Variants in ACBD7 observed in about 807,000 individuals in gnomAD.
ACBD7 encodes the protein acyl-CoA binding domain containing 7.
ACBD7 carries 11 observed loss-of-function variants against 13.7 expected under a neutral mutation model. The ratio of observed to expected loss-of-function variants is 0.80; its 90% CI spans 0.50 to 1.33. The LOEUF is 1.33. Among genes scored for constraint, ACBD7 ranks in the 40% most tolerant of loss-of-function variants. The pLI is 0.00. For missense variants in ACBD7, 111 were observed against 103.0 expected (o/e 1.08, Z -0.33); for synonymous variants, 43 against 37.7 (o/e 1.14, Z -0.51).
rs1020099476 is a variant in ACBD7, at chr10:15,075,581, A to G, written c.*2949T>C. ...TACAATCAAGACAGAACATTCCATC[A>G]CTGCAGGATCATCCCTCCTGCTGCC... On this transcript the variant is annotated 3_prime_UTR_variant, in exon 4 of 4. Coordinates refer to ENST00000356189, the MANE Select transcript of ACBD7 (RefSeq NM_001039844.3). Among the ~76,000 whole-genome samples the G allele has an allele frequency of 6.6e-6, 1 of 152,196 alleles. No homozygotes were observed. The highest frequency in any genetic ancestry group is 1.5e-5 in the Non-Finnish European group (1 of 68,040).
chr10:15,086,611 C>T (rs1276303164), intron 1 of ACBD7, among the ~76,000 whole-genome samples: 1 of 152,176 alleles, frequency 6.6e-6, no homozygotes, highest in Non-Finnish European at 1.5e-5. Flanking sequence ...CAAGGTGGCT[C>T]ATGCCTGTAA....
In ACBD7 at chr10:15,077,067, C is replaced by T. The variant is rs143609923; in HGVS notation, c.*1463G>A. The stretch of plus-strand genomic sequence containing the variant: ...CTAAAAATAGAACTACCATTCTACC[C>T]AGCAATCCCACTACTGGGTATCTTC... On this transcript the variant is annotated 3_prime_UTR_variant, in exon 4 of 4. Coordinates refer to ENST00000356189, the MANE Select transcript of ACBD7 (RefSeq NM_001039844.3). The T allele has an allele frequency of 4.7e-3, 1,568 of 334,276 alleles. 9 individuals are homozygous for T. The highest frequency in any genetic ancestry group is 0.012 in the Middle Eastern group (8 of 660). 20.7% of individuals were successfully genotyped at this position (334,276 alleles called of 1,614,324 possible).
At chr10:15,083,220 T>G (rs1844770240) in intron 1 of ACBD7, among the ~76,000 whole-genome samples, 1 of 152,212 alleles carries the variant, frequency 6.6e-6, no homozygotes, top group African/African-American at 2.4e-5. Context: ...CTAGCCTGTC[T>G]GGTTCTGGCA....
intron 1 of ACBD7, among the ~76,000 whole-genome samples, chr10:15,082,435 G>A (rs1159258055): frequency 1.3e-5 from 2 of 152,098 alleles, no homozygotes; most frequent in East Asian, 3.8e-4. Context: ...GTATACTAAA[G>A]ATATGTAAAC....
chr10:15,082,132 C>T (rs1844757352), intron 1 of ACBD7, among the ~76,000 whole-genome samples: 1 of 151,864 alleles, frequency 6.6e-6, no homozygotes, highest in Non-Finnish European at 1.5e-5. Flanking sequence ...ACTGAAAATA[C>T]AAAATTAGCT....
intron 1 of ACBD7, among the ~76,000 whole-genome samples, chr10:15,081,871 G>A (rs1844754068): frequency 6.6e-6 from 1 of 152,062 alleles, no homozygotes; most frequent in Admixed American, 6.5e-5. Context: ...GGAACAAGGG[G>A]TGCCTTGTCT....
rs1844707882 is a variant in ACBD7, at chr10:15,078,343, C to A, written c.*187G>T. The A allele has an allele frequency of 3.5e-6, 5 of 1,439,432 alleles. No individual in the cohort carries two copies. In the African/African-American group the frequency reaches 4.3e-5, roughly 12 times the overall value. The allele number at this position is 1,439,432 out of a possible 1,614,324, so 89.2% of individuals were successfully genotyped here. ...TTTTCTTAAAAAGAACTTTTAAAGA[C>A]ACCTGGTTTAAGCAAGTACAATTGA... is the stretch of plus-strand genomic sequence containing the variant. On this transcript the variant is annotated 3_prime_UTR_variant, in exon 4 of 4. Coordinates refer to ENST00000356189, the MANE Select transcript of ACBD7 (RefSeq NM_001039844.3).
At chr10:15,082,283 CAAAAAAAA>C (rs78001272) in intron 1 of ACBD7, among the ~76,000 whole-genome samples, 12 of 65,790 alleles carry the variant, frequency 1.8e-4, no homozygotes, top group African/African-American at 5.7e-4. Flanking sequence ...AAGACTATCT[CAAAAAAAA>C]AAAAAAAAAA....
chr10:15,086,876 G>A (rs1351058187), intron 1 of ACBD7, among the ~76,000 whole-genome samples: 1 of 152,160 alleles, frequency 6.6e-6, no homozygotes, highest in Admixed American at 6.5e-5. Flanking sequence ...AATTGGGTGT[G>A]GTGGCACATG....
In ACBD7 at chr10:15,076,651, C is replaced by T; in HGVS notation, c.*1879G>A. 1 of 608,650 alleles carries T rather than the reference C, an allele frequency of 1.6e-6. No individual in the cohort carries two copies. The highest frequency in any genetic ancestry group is 2.1e-6 in the Non-Finnish European group (1 of 486,366). 37.7% of individuals were successfully genotyped at this position (608,650 alleles called of 1,614,324 possible). A position where few individuals can be genotyped will look rare whatever the true frequency, so the allele number is the denominator to read the frequency against. ...CCAAGTAGCTGGAATTACAGGTGTG[C>T]ACCACCAATGGCTGGCTAATTTTTG... On this transcript the variant is annotated 3_prime_UTR_variant, in exon 4 of 4. Transcript: ENST00000356189.
intron 2 of ACBD7, 65 bp downstream of exon 2, chr10:15,078,853 ATATAT>A (rs1844714205): frequency 7.9e-7 from 1 of 1,263,960 alleles, no homozygotes; most frequent in African/African-American, 1.5e-5. Flanking sequence ...TTAAGTAATT[ATATAT>A]TATAATCGCA....
Position 15,078,522 on chromosome 10 carries a change from G to T in ACBD7, c.*8C>A, listed in dbSNP as rs184073680. On this transcript the variant is annotated 3_prime_UTR_variant, in exon 4 of 4. Coordinates refer to ENST00000356189, the MANE Select transcript of ACBD7 (RefSeq NM_001039844.3). ...CTTCAAAAGGAAAAATTCCTCATAT[G>T]CTGTATTCTAAATTCCGTATTTTTC... The T allele has an allele frequency of 1.1e-5, 18 of 1,613,978 alleles. No homozygotes were observed. The East Asian group carries it at 4.0e-4, about 36-fold the overall frequency.
At position 15,075,976 on chromosome 10, in the gene ACBD7, C is replaced by CAAAAAAAAAAAA. The variant is rs10541297; in HGVS notation, c.*2542_*2553dup. 23 of 313,698 alleles carry CAAAAAAAAAAAA rather than the reference C, an allele frequency of 7.3e-5. No individual in the cohort carries two copies. Among genetic ancestry groups the CAAAAAAAAAAAA allele is most frequent in the East Asian group, 2.1e-4 (1 of 4,736 alleles). 19.4% of individuals were successfully genotyped at this position (313,698 alleles called of 1,614,324 possible). ...GTAACAGAGTGACAGCCTGTCTCAA[C>CAAAAAAAAAAAA]AAAAAAAAAAAAAAAAAAAAAGAAA... On this transcript the variant is annotated 3_prime_UTR_variant, in exon 4 of 4. Transcript: ENST00000356189.
chr10:15,085,556 C>T (rs530666820), intron 1 of ACBD7, among the ~76,000 whole-genome samples: 2 of 152,214 alleles, frequency 1.3e-5, no homozygotes, highest in Non-Finnish European at 2.9e-5. Context: ...TCTTAGGTCA[C>T]ACAAATGTGG....
intron 1 of ACBD7, among the ~76,000 whole-genome samples, chr10:15,085,513 T>A (rs537613214): frequency 6.6e-6 from 1 of 152,348 alleles, no homozygotes; most frequent in Non-Finnish European, 1.5e-5. Flanking sequence ...ATTAAGAAGA[T>A]AAAAAATTCT....
Position 15,076,902 on chromosome 10 carries a change from G to C in ACBD7, c.*1628C>G. 1 of 985,388 alleles carries C rather than the reference G, an allele frequency of 1.0e-6. No homozygotes were observed. Among genetic ancestry groups the C allele is most frequent in the Non-Finnish European group, 1.2e-6 (1 of 829,930 alleles). 61.0% of individuals were successfully genotyped at this position (985,388 alleles called of 1,614,324 possible). ...AAAGAACAAACAGCTGTTCAAATCT[G>C]TACACATATTACCAGGGCTAGACTT... On this transcript the variant is annotated 3_prime_UTR_variant, in exon 4 of 4. Coordinates refer to ENST00000356189, the MANE Select transcript of ACBD7 (RefSeq NM_001039844.3).
intron 1 of ACBD7, among the ~76,000 whole-genome samples, chr10:15,081,419 T>C (rs1455250574): frequency 6.6e-6 from 1 of 152,138 alleles, no homozygotes; most frequent in Non-Finnish European, 1.5e-5. Flanking sequence ...CCTGGACCCA[T>C]CCAGATTAAG....
rs983123901 is a variant in ACBD7 at position 15,078,602 on chromosome 10, C to G, written c.195G>C (p.Gly65=). 6.2e-7 allele frequency: 1 copy of G among 1,614,058 alleles called. No individual in the cohort carries two copies. Among genetic ancestry groups the G allele is most frequent in the African/African-American group, 1.3e-5 (1 of 75,002 alleles). Residue 65 remains glycine (G), a splice_region_variant and synonymous_variant, in exon 4 of 4, where the codon GGG becomes GGC. Coordinates refer to ENST00000356189, the MANE Select transcript of ACBD7 (RefSeq NM_001039844.3). ...AKWEAWNLKK[G]LSTEDATSAY... ...CACTCGTCGCATCTTCCGTCGACAA[C>G]CCTAGAAAGATACAAACAGGTTATC...
rs773844446 is a variant in ACBD7 at position 15,087,463 on chromosome 10, A to T, written c.12+1254T>A. Among the ~76,000 whole-genome samples the T allele has an allele frequency of 1.2e-3, 175 of 152,102 alleles. 1 individual carries two copies. The highest frequency in any genetic ancestry group is 1.4e-3 in the Non-Finnish European group (98 of 68,024). ...TAAAGAAGTGAGCCACGTTCTATGA[A>T]ATTTTGTGCATGTAAAAGATTACAT... On this transcript the variant is annotated intron_variant, in intron 1 of 3. Coordinates refer to ENST00000356189, the MANE Select transcript of ACBD7 (RefSeq NM_001039844.3).
Sources: gnomAD v4.1 joint callset for allele counts (sites outside exome capture counted in the v4.1 genomes callset) on GRCh38, gnomAD v4.1.1 for gene constraint, MANE v1.5 for transcripts, NCBI Gene and HGNC (gene_info 2026-07-23, HGNC 2026-07-21) for gene names.